CEP128: variants seen among roughly 807,000 people sequenced by gnomAD.
CEP128 encodes centrosomal protein 128, also known as centrosomal protein 128kDa.
CEP128 carries 132 observed loss-of-function variants against 156.7 expected under a neutral mutation model. The ratio of observed to expected loss-of-function variants is 0.84; its 90% confidence interval spans 0.73 to 0.97. The LOEUF is 0.97. CEP128 is among the 50% of genes least tolerant of loss of function. CEP128 has a pLI of 0.00. For synonymous variants in CEP128, 469 were observed against 448.9 expected (o/e 1.04, Z -0.57); for missense variants, 1,252 against 1,281.9 (o/e 0.98, Z 0.36).
intron 19 of CEP128, among the ~76,000 whole-genome samples, chr14:80,630,480 G>T (rs1319186469): frequency 6.6e-6 from 1 of 151,914 alleles, no homozygotes; most frequent in Non-Finnish European, 1.5e-5. Flanking sequence ...CAGTGTAACG[G>T]TTTACATTAT....
chr14:80,722,527 T>C (rs1897856470), intron 19 of CEP128, among the ~76,000 whole-genome samples: 1 of 151,342 alleles, frequency 6.6e-6, no homozygotes, highest in Non-Finnish European at 1.5e-5. Context: ...CACATATAAG[T>C]ATATATAATA....
chr14:80,732,170 T>C (rs2139530311), intron 19 of CEP128, among the ~76,000 whole-genome samples: 1 of 152,242 alleles, frequency 6.6e-6, no homozygotes, highest in East Asian at 1.9e-4. Flanking sequence ...TAAAACCTAG[T>C]ATTAAATAAT....
chr14:80,700,472 A>G (rs1296049513), intron 19 of CEP128, among the ~76,000 whole-genome samples: 1 of 152,042 alleles, frequency 6.6e-6, no homozygotes, highest in African/African-American at 2.4e-5. Context: ...GAAAGGGGGG[A>G]TGGTAGAAAA....
chr14:80,643,162 C>G (rs1158879532), intron 19 of CEP128, among the ~76,000 whole-genome samples: 1 of 152,208 alleles, frequency 6.6e-6, no homozygotes, highest in Non-Finnish European at 1.5e-5. Flanking sequence ...AATCCTCAAT[C>G]TTTTTAAATC....
At chr14:80,495,285 T>G (rs1324928441), downstream of CEP128, among the ~76,000 whole-genome samples, 1 of 152,160 alleles carries the variant, frequency 6.6e-6, no homozygotes, top group East Asian at 1.9e-4. Flanking sequence ...TATTAATGTT[T>G]CCTTAGCATT....
chr14:80,668,739 T>C (rs1246969311), intron 19 of CEP128, among the ~76,000 whole-genome samples: 1 of 152,140 alleles, frequency 6.6e-6, no homozygotes, highest in Non-Finnish European at 1.5e-5. Context: ...TTTGGCTGTG[T>C]CCCCACCCAA....
chr14:80,884,192 A>G (rs564042126), intron 8 of CEP128, among the ~76,000 whole-genome samples: 2 of 152,344 alleles, frequency 1.3e-5, no homozygotes, highest in South Asian at 4.1e-4. Context: ...GTAATAATCC[A>G]AAAAGCACAG....
chr14:80,545,241 A>G (rs574480500), intron 21 of CEP128, among the ~76,000 whole-genome samples: 5 of 152,306 alleles, frequency 3.3e-5, no homozygotes, highest in African/African-American at 4.8e-5. Context: ...AATCCATTGC[A>G]TGGAGTAGTT....
intron 19 of CEP128, among the ~76,000 whole-genome samples, chr14:80,592,901 C>A (rs1303123064): frequency 6.6e-6 from 1 of 152,170 alleles, no homozygotes; most frequent in African/African-American, 2.4e-5. Flanking sequence ...ACAAAAGCCA[C>A]ATGATTATCT....
intron 18 of CEP128, among the ~76,000 whole-genome samples, chr14:80,755,595 T>C (rs1899614179): frequency 6.6e-6 from 1 of 152,230 alleles, no homozygotes. Context: ...AAACAATTAC[T>C]GAATGCCCTC....
At chr14:80,529,533 T>C (rs1468915965) in intron 22 of CEP128, among the ~76,000 whole-genome samples, 1 of 152,216 alleles carries the variant, frequency 6.6e-6, no homozygotes, top group Admixed American at 6.5e-5. Context: ...GGTTAAAATG[T>C]ATATTTTTAT....
At chr14:80,502,684 C>G (rs1887793079) in intron 24 of CEP128, among the ~76,000 whole-genome samples, 1 of 152,018 alleles carries the variant, frequency 6.6e-6, no homozygotes, top group Non-Finnish European at 1.5e-5. Flanking sequence ...AATATTTTCT[C>G]TTATCTCTCA....
intron 9 of CEP128, among the ~76,000 whole-genome samples, chr14:80,859,296 A>G (rs1887385304): frequency 6.7e-6 from 1 of 148,368 alleles, no homozygotes; most frequent in African/African-American, 2.5e-5. Context: ...CTATCGCAAG[A>G]ACAAAAAACC....
chr14:80,772,421 T>C (rs1305229598), intron 16 of CEP128, among the ~76,000 whole-genome samples: 1 of 151,750 alleles, frequency 6.6e-6, no homozygotes, highest in Non-Finnish European at 1.5e-5. Context: ...TCCCACTCCA[T>C]CCCCCCTCCA....
chr14:80,753,707 T>C (rs536276251), intron 18 of CEP128, among the ~76,000 whole-genome samples: 10 of 152,352 alleles, frequency 6.6e-5, no homozygotes, highest in Admixed American at 2.6e-4. Flanking sequence ...CCTGTCCAAA[T>C]AGAAGTTTCT....
intron 19 of CEP128, among the ~76,000 whole-genome samples, chr14:80,667,574 C>T (rs1195007400): frequency 3.9e-5 from 6 of 152,054 alleles, no homozygotes; most frequent in Non-Finnish European, 7.4e-5. Flanking sequence ...TGAATTTCCT[C>T]GAGGCCGGGT....
At chr14:80,741,918 G>GT (rs1171847559) in intron 19 of CEP128, among the ~76,000 whole-genome samples, 2 of 151,354 alleles carry the variant, frequency 1.3e-5, no homozygotes, top group African/African-American at 4.9e-5. Flanking sequence ...TTTCTTCCTC[G>GT]TATTTTCCTT....
intron 19 of CEP128, among the ~76,000 whole-genome samples, chr14:80,612,200 T>A (rs956033639): frequency 1.3e-5 from 2 of 152,222 alleles, no homozygotes; most frequent in Non-Finnish European, 2.9e-5. Context: ...AACATGGTGT[T>A]TTTTTGTCAA....
intron 6 of CEP128, among the ~76,000 whole-genome samples, chr14:80,902,853 C>CA (rs1405258339): frequency 1.3e-5 from 2 of 152,040 alleles, no homozygotes; most frequent in African/African-American, 2.4e-5. Flanking sequence ...GCAGGGCTTA[C>CA]AAAAAATGTG....
Sources: allele counts gnomAD v4.1 joint callset (sites outside exome capture counted in the v4.1 genomes callset), GRCh38; gene constraint gnomAD v4.1.1; transcripts MANE v1.5; gene names NCBI Gene and HGNC (gene_info 2026-07-23, HGNC 2026-07-21).